Variants in HBA1 observed in about 807,000 individuals in gnomAD.
HBA1 encodes hemoglobin subunit alpha.
Under a neutral mutation model 7.8 loss-of-function variants are expected in HBA1, and 3 were observed. That is an observed-to-expected ratio of 0.38 (90% confidence interval 0.17 to 0.99). The LOEUF is 0.99. HBA1 is among the 50% of genes least tolerant of loss of function. The probability of loss-of-function intolerance (pLI) is 0.38; values close to 1 mark genes in which losing one functional copy is unlikely to be tolerated. For synonymous variants in HBA1, 32 were observed against 91.8 expected (o/e 0.35, Z 3.72); for missense variants, 67 against 194.6 (o/e 0.34, Z 3.90).
chr16:177,452 C>G lies in HBA1; in HGVS notation c.*41C>G. ...GCCATGCTTCTTGCCCCTTGGGCCT[C>G]CCCCCAGCCCCTCCTCCCCTTCCTG... On this transcript the variant is annotated 3_prime_UTR_variant, in exon 3 of 3. Transcript: ENST00000320868. The G allele has an allele frequency of 6.2e-7, 1 of 1,601,756 alleles. No individual in the cohort carries two copies. Among genetic ancestry groups the G allele is most frequent in the Non-Finnish European group, 8.5e-7 (1 of 1,172,844 alleles).
At position 177,430 on chromosome 16, in the gene HBA1, A is replaced by T; in HGVS notation, c.*19A>T. The T allele has an allele frequency of 6.2e-7, 1 of 1,612,718 alleles. No homozygotes were observed. Among genetic ancestry groups the T allele is most frequent in the African/African-American group, 1.3e-5 (1 of 74,924 alleles). On this transcript the variant is annotated 3_prime_UTR_variant, in exon 3 of 3. Coordinates refer to ENST00000320868, the MANE Select transcript of HBA1 (RefSeq NM_000558.5). ...CCGTTAAGCTGGAGCCTCGGTGGCC[A>T]TGCTTCTTGCCCCTTGGGCCTCCCC...
Position 177,393 on chromosome 16 carries a change from G to T in HBA1, c.411G>T (p.Leu137=). Residue 137 remains leucine (L), a synonymous_variant, in exon 3 of 3, where the codon CTG becomes CTT. Coordinates refer to ENST00000320868, the MANE Select transcript of HBA1 (RefSeq NM_000558.5). Reference sequence around the variant, plus strand: ...TCCTGGCTTCTGTGAGCACCGTGCTGACCTCCAAATACCGTTAAGCTGGAG... The same window carrying T: ...TCCTGGCTTCTGTGAGCACCGTGCTTACCTCCAAATACCGTTAAGCTGGAG... ...DKFLASVSTV[L]TSKYR is the part of the protein sequence containing the mutation. 6.2e-7 allele frequency: 1 copy of T among 1,613,724 alleles called. No individual in the cohort carries two copies. The highest frequency in any genetic ancestry group is 8.5e-7 in the Non-Finnish European group (1 of 1,179,966).
At position 177,479 on chromosome 16, in the gene HBA1, A is replaced by C; in HGVS notation, c.*68A>C. On this transcript the variant is annotated 3_prime_UTR_variant, in exon 3 of 3. Transcript: ENST00000320868. ...CCCCAGCCCCTCCTCCCCTTCCTGC[A>C]CCCGTACCCCCGTGGTCTTTGAATA... 6 of 1,565,864 alleles carry C rather than the reference A, an allele frequency of 3.8e-6. No individual in the cohort carries two copies. Among genetic ancestry groups the C allele is most frequent in the Non-Finnish European group, 5.2e-6 (6 of 1,149,794 alleles).
Position 177,070 on chromosome 16 carries a change from C to A in HBA1, c.237C>A (p.Asn79Lys), listed in dbSNP as rs34440919. 6.6e-7 allele frequency: 1 copy of A among 1,525,932 alleles called. No homozygotes were observed. The highest frequency in any genetic ancestry group is 8.8e-7 in the Non-Finnish European group (1 of 1,132,966). 94.5% of individuals were successfully genotyped at this position (1,525,932 alleles called of 1,614,324 possible). Residue 79 changes from asparagine (N) to lysine (K), a missense_variant, in exon 2 of 3, where the codon AAC becomes AAA. By Grantham distance (94) the Asn-to-Lys change is moderately conservative (BLOSUM62 0). This residue lies in a region of HBA1 where 58 missense variants were observed against 91.9 expected (regional missense o/e 0.63). Coordinates refer to ENST00000320868, the MANE Select transcript of HBA1 (RefSeq NM_000558.5). ...TGGCGCACGTGGACGACATGCCCAACGCGCTGTCCGCCCTGAGCGACCTGC... is the reference window on the plus strand; with the variant it reads ...TGGCGCACGTGGACGACATGCCCAAAGCGCTGTCCGCCCTGAGCGACCTGC... ...NAVAHVDDMP[N>K]ALSALSDLHA...
Position 177,457 on chromosome 16 carries a change from C to A in HBA1, c.*46C>A, listed in dbSNP as rs141514155. ...GCTTCTTGCCCCTTGGGCCTCCCCC[C>A]AGCCCCTCCTCCCCTTCCTGCACCC... is the stretch of plus-strand genomic sequence containing the variant. On this transcript the variant is annotated 3_prime_UTR_variant, in exon 3 of 3. Coordinates refer to ENST00000320868, the MANE Select transcript of HBA1 (RefSeq NM_000558.5). 0.013 allele frequency: 21,311 copies of A among 1,603,218 alleles called. 242 individuals are homozygous for A. Among genetic ancestry groups the A allele is most frequent in the Middle Eastern group, 0.026 (159 of 6,052 alleles).
intron 2 of HBA1, 62 bp from the exon 3 acceptor site, chr16:177,221 G>A: frequency 1.2e-6 from 2 of 1,612,382 alleles, no homozygotes; most frequent in Non-Finnish European, 1.7e-6. Context: ...TGCGGGAGGT[G>A]TAGCGCAGGC....
chr16:177,213 C>T (rs1902164716), intron 2 of HBA1, 70 bp from the exon 3 acceptor site: 1 of 1,612,128 alleles, frequency 6.2e-7, no homozygotes, highest in Non-Finnish European at 8.5e-7. Flanking sequence ...ACGCGGGTTG[C>T]GGGAGGTGTA....
chr16:177,470 C>G lies in HBA1; in HGVS notation c.*59C>G. The G allele has an allele frequency of 1.3e-6, 2 of 1,582,278 alleles. No homozygotes were observed. The highest frequency in any genetic ancestry group is 1.7e-6 in the Non-Finnish European group (2 of 1,160,834). ...TGGGCCTCCCCCCAGCCCCTCCTCC[C>G]CTTCCTGCACCCGTACCCCCGTGGT... On this transcript the variant is annotated 3_prime_UTR_variant, in exon 3 of 3. Transcript: ENST00000320868.
Position 177,275 on chromosome 16 carries a change from C to T in HBA1, c.301-8C>T, listed in dbSNP as rs1396180549. ...CCCTCGGCCCCACTGACCCTCTTCTCTGCACAGCTCCTAAGCCACTGCCTG... is the reference window on the plus strand; with the variant it reads ...CCCTCGGCCCCACTGACCCTCTTCTTTGCACAGCTCCTAAGCCACTGCCTG... On this transcript the variant is annotated splice_region_variant and splice_polypyrimidine_tract_variant and intron_variant, in intron 2 of 2. Transcript: ENST00000320868. The T allele has an allele frequency of 1.2e-6, 2 of 1,613,254 alleles. No homozygotes were observed. Among genetic ancestry groups the T allele is most frequent in the South Asian group, 2.2e-5 (2 of 91,058 alleles).
chr16:177,163 C>T, intron 2 of HBA1, 30 bp downstream of exon 2: 4 of 1,608,126 alleles, frequency 2.5e-6, no homozygotes, highest in Non-Finnish European at 3.4e-6. Flanking sequence ...CGATCTGGGT[C>T]GAGGGGCGAG....
chr16:177,147 C>T lies in HBA1; in HGVS notation c.300+14C>T, dbSNP rs1350137071. ...GTCAACTTCAAGGTGAGCGGCGGGC[C>T]GGGAGCGATCTGGGTCGAGGGGCGA... On this transcript the variant is annotated intron_variant, in intron 2 of 2. Coordinates refer to ENST00000320868, the MANE Select transcript of HBA1 (RefSeq NM_000558.5). 4 of 1,601,816 alleles carry T rather than the reference C, an allele frequency of 2.5e-6. No individual in the cohort carries two copies. Among genetic ancestry groups the T allele is most frequent in the Non-Finnish European group, 3.4e-6 (4 of 1,176,454 alleles).
In HBA1 at chr16:177,396, C is replaced by T. The variant is rs1902172700; in HGVS notation, c.414C>T (p.Thr138=). The change falls in exon 3 of 3, where the codon ACC becomes ACT. Residue 138 remains threonine, a synonymous_variant. Transcript: ENST00000320868. ...KFLASVSTVL[T]SKYR ...TGGCTTCTGTGAGCACCGTGCTGAC[C>T]TCCAAATACCGTTAAGCTGGAGCCT... is the stretch of plus-strand genomic sequence containing the variant. The T allele has an allele frequency of 6.2e-7, 1 of 1,613,744 alleles. No individual in the cohort carries two copies. The highest frequency in any genetic ancestry group is 8.5e-7 in the Non-Finnish European group (1 of 1,179,962).
At chr16:177,238 T>G (rs1902165496) in intron 2 of HBA1, 45 bp from the exon 3 acceptor site, 1 of 1,612,508 alleles carries the variant, frequency 6.2e-7, no homozygotes, top group Non-Finnish European at 8.5e-7. Flanking sequence ...AGGCGGCGGC[T>G]GCGGGCCTGG....
At position 177,452 on chromosome 16, in the gene HBA1, C is replaced by T. The variant is rs781242079; in HGVS notation, c.*41C>T. 1.2e-5 allele frequency: 20 copies of T among 1,601,756 alleles called. No homozygotes were observed. The highest frequency in any genetic ancestry group is 1.7e-5 in the Non-Finnish European group (20 of 1,172,844). On this transcript the variant is annotated 3_prime_UTR_variant, in exon 3 of 3. Transcript: ENST00000320868. Reference sequence around the variant, plus strand: ...GCCATGCTTCTTGCCCCTTGGGCCTCCCCCCAGCCCCTCCTCCCCTTCCTG... The same window carrying T: ...GCCATGCTTCTTGCCCCTTGGGCCTTCCCCCAGCCCCTCCTCCCCTTCCTG...
At position 177,472 on chromosome 16, in the gene HBA1, T is replaced by G; in HGVS notation, c.*61T>G. On this transcript the variant is annotated 3_prime_UTR_variant, in exon 3 of 3. Transcript: ENST00000320868. ...GGCCTCCCCCCAGCCCCTCCTCCCC[T>G]TCCTGCACCCGTACCCCCGTGGTCT... 3 of 1,574,652 alleles carry G rather than the reference T, an allele frequency of 1.9e-6. No homozygotes were observed. Among genetic ancestry groups the G allele is most frequent in the Non-Finnish European group, 2.6e-6 (3 of 1,154,326 alleles).
In HBA1 at chr16:177,120, C is replaced by G. The variant is rs33931314; in HGVS notation, c.287C>G (p.Pro96Arg). The G allele has an allele frequency of 6.4e-7, 1 of 1,566,220 alleles. No individual in the cohort carries two copies. Among genetic ancestry groups the G allele is most frequent in the Non-Finnish European group, 8.6e-7 (1 of 1,157,142 alleles). ...DLHAHKLRVD[P>R]VNFKLLSHCL... The stretch of plus-strand genomic sequence containing the variant: ...CACGCGCACAAGCTTCGGGTGGACC[C>G]GGTCAACTTCAAGGTGAGCGGCGGG... The change falls in exon 2 of 3, where the codon CCG becomes CGG. Residue 96 changes from proline (P) to arginine (R), a missense_variant. Coordinates refer to ENST00000320868, the MANE Select transcript of HBA1 (RefSeq NM_000558.5).
Position 177,330 on chromosome 16 carries a change from C to A in HBA1, c.348C>A (p.Ala116=). 1 of 1,613,248 alleles carries A rather than the reference C, an allele frequency of 6.2e-7. No individual in the cohort carries two copies. Among genetic ancestry groups the A allele is most frequent in the Non-Finnish European group, 8.5e-7 (1 of 1,179,798 alleles). Residue 116 remains alanine (A), a synonymous_variant, in exon 3 of 3, where the codon GCC becomes GCA. Coordinates refer to ENST00000320868, the MANE Select transcript of HBA1 (RefSeq NM_000558.5). The part of the protein sequence containing the change: ...LLVTLAAHLP[A]EFTPAVHASL... ...TGACCCTGGCCGCCCACCTCCCCGC[C>A]GAGTTCACCCCTGCGGTGCACGCCT...
chr16:177,169 G>T, intron 2 of HBA1, 36 bp downstream of exon 2: 1 of 1,609,556 alleles, frequency 6.2e-7, no homozygotes, highest in South Asian at 1.1e-5. Context: ...GGGTCGAGGG[G>T]CGAGATGGCG....
rs63749927 is a variant in HBA1, at chr16:177,344, C to T, written c.362C>T (p.Ala121Val). The T allele has an allele frequency of 6.2e-7, 1 of 1,613,068 alleles. No individual in the cohort carries two copies. The highest frequency in any genetic ancestry group is 8.5e-7 in the Non-Finnish European group (1 of 1,179,706). The change falls in exon 3 of 3, where the codon GCG becomes GTG. Residue 121 changes from alanine to valine, a missense_variant. Ala to Val is a moderately conservative substitution (Grantham distance 64). Around this residue, in one of 2 missense-constraint regions of HBA1, gnomAD observed 58 missense variants for 91.9 expected, o/e 0.63. Transcript: ENST00000320868. ...AAHLPAEFTP[A>V]VHASLDKFLA... ...CACCTCCCCGCCGAGTTCACCCCTG[C>T]GGTGCACGCCTCCCTGGACAAGTTC...
Sources: allele counts gnomAD v4.1 joint callset, GRCh38; gene constraint gnomAD v4.1.1; regional missense constraint gnomAD v4.1.1; transcripts MANE v1.5; gene names NCBI Gene and HGNC (gene_info 2026-07-23, HGNC 2026-07-21).